Variants in SLC4A5 observed in about 807,000 individuals in gnomAD.
The protein encoded by SLC4A5 is solute carrier family 4 member 5.
Under a neutral mutation model 120.4 loss-of-function variants are expected in SLC4A5, and 96 were observed. That is an observed-to-expected ratio of 0.80 (90% CI 0.68 to 0.94). SLC4A5 has a LOEUF of 0.94. SLC4A5 is among the 40% of genes least tolerant of loss of function. SLC4A5 has a pLI of 0.00. For synonymous variants in SLC4A5, 550 were observed against 571.1 expected (o/e 0.96, Z 0.53); for missense variants, 1,259 against 1,459.5 (o/e 0.86, Z 2.24).
chr2:74,285,182 C>T (rs1421436391), intron 8 of SLC4A5, among the ~76,000 whole-genome samples: 1 of 152,144 alleles, frequency 6.6e-6, no homozygotes, highest in Non-Finnish European at 1.5e-5. Flanking sequence ...GAGTTTGAGC[C>T]TGCGTGCAGT....
intron 17 of SLC4A5, 120 bp from the exon 18 acceptor site, chr2:74,248,606 C>A: frequency 8.7e-7 from 1 of 1,155,580 alleles, no homozygotes; most frequent in African/African-American, 1.6e-5. Flanking sequence ...TCGTTCTGGG[C>A]CCTTTCCTCC....
chr2:74,228,057 A>T (rs571093383), intron 25 of SLC4A5, among the ~76,000 whole-genome samples, 179 bp from the exon 26 acceptor site: 23 of 152,330 alleles, frequency 1.5e-4, no homozygotes, highest in African/African-American at 5.3e-4. Flanking sequence ...CTGGGGCTGT[A>T]CTGCCCCTTC....
chr2:74,253,117 G>A (rs747379006), exon 15 of SLC4A5: 45 of 1,613,964 alleles, frequency 2.8e-5, no homozygotes, highest in Middle Eastern at 1.6e-4. Context: ...TGTAGGCCAC[G>A]TCACTGAAGA....
At chr2:74,303,146 A>C (rs1672528254) in intron 7 of SLC4A5, among the ~76,000 whole-genome samples, 1 of 151,224 alleles carries the variant, frequency 6.6e-6, no homozygotes, top group Non-Finnish European at 1.5e-5. Flanking sequence ...GTTGTATTTT[A>C]ACTATAGCCC....
At position 74,250,523 on chromosome 2, in the gene SLC4A5, C is replaced by G. The variant is rs1369105062; in HGVS notation, c.1479-6G>C. On this transcript the variant is annotated splice_region_variant and splice_polypyrimidine_tract_variant and intron_variant, in intron 16 of 30. Transcript: ENST00000394019. ...GACACAGGCCACCGAAGAACCTGCT[C>G]AAGACAGGCCCAGGGGCTGCTTTCT... The G allele has an allele frequency of 6.2e-7, 1 of 1,614,122 alleles. No homozygotes were observed. Among genetic ancestry groups the G allele is most frequent in the Non-Finnish European group, 8.5e-7 (1 of 1,180,000 alleles).
rs28394585 is a variant in SLC4A5, at chr2:74,240,509, T to C, written c.2119-974A>G. On this transcript the variant is annotated intron_variant, in intron 20 of 30. Coordinates refer to ENST00000394019, the Ensembl canonical transcript of SLC4A5. ...AGTGCACATGGCCCCTTGCATATAA[T>C]AGGGATTCAGAAATAGGCACTGACT... Among the ~76,000 whole-genome samples, 780 of 152,304 alleles carry C rather than the reference T, an allele frequency of 5.1e-3. 44 individuals carry two copies. Among genetic ancestry groups the C allele is most frequent in the Admixed American group, 0.046 (708 of 15,290 alleles).
intron 5 of SLC4A5, among the ~76,000 whole-genome samples, chr2:74,319,014 T>C (rs1293168377): frequency 6.6e-6 from 1 of 152,112 alleles, no homozygotes; most frequent in Non-Finnish European, 1.5e-5. Context: ...TATATATATA[T>C]AATGGAATGC....
intron 6 of SLC4A5, among the ~76,000 whole-genome samples, chr2:74,310,388 G>A (rs1416269647): frequency 6.6e-6 from 1 of 152,140 alleles, no homozygotes; most frequent in Non-Finnish European, 1.5e-5. Context: ...GATCTTAGCA[G>A]GAAAGTTTTC....
chr2:74,234,977 A>T, intron 22 of SLC4A5, 124 bp downstream of exon 22: 1 of 735,662 alleles, frequency 1.4e-6, no homozygotes, highest in South Asian at 1.9e-5. Context: ...GAAAGGTGGC[A>T]CACAGAGAAC....
chr2:74,300,225 T>A (rs1004922177), intron 7 of SLC4A5, among the ~76,000 whole-genome samples: 2 of 152,146 alleles, frequency 1.3e-5, no homozygotes, highest in African/African-American at 4.8e-5. Context: ...GATGGGGAGA[T>A]GTTGGTCAAA....
At chr2:74,256,073 T>C in intron 12 of SLC4A5, 141 bp from the exon 13 acceptor site, 1 of 885,344 alleles carries the variant, frequency 1.1e-6, no homozygotes, top group Middle Eastern at 2.5e-4. Context: ...AAATAAGTAC[T>C]CCTCCGATTC....
intron 8 of SLC4A5, among the ~76,000 whole-genome samples, chr2:74,268,751 G>A (rs1357931873): frequency 6.6e-6 from 1 of 152,184 alleles, no homozygotes; most frequent in Non-Finnish European, 1.5e-5. Flanking sequence ...CCAGACTTTG[G>A]TATTTTCATT....
rs538466672 is a variant in SLC4A5 at position 74,318,609 on chromosome 2, C to T, written c.-2-3584G>A. ...GCTGAGGCACAAGAATCACTTGAAC[C>T]CAGAAGGCAGAGGTTGCAGACCGAG... On this transcript the variant is annotated intron_variant, in intron 5 of 30. Transcript: ENST00000394019. 2.0e-5 allele frequency among the ~76,000 whole-genome samples: 3 copies of T among 151,910 alleles called. No homozygotes were observed. In the East Asian group the frequency reaches 5.8e-4, roughly 29 times the overall value.
intron 12 of SLC4A5, among the ~76,000 whole-genome samples, chr2:74,258,508 A>G (rs1671038251): frequency 6.6e-6 from 1 of 152,338 alleles, no homozygotes; most frequent in Middle Eastern, 3.4e-3. Flanking sequence ...TGCATGAGTA[A>G]AAGTGGTTTT....
chr2:74,254,890 G>A (rs1670912952), intron 13 of SLC4A5, among the ~76,000 whole-genome samples, 184 bp from the exon 14 acceptor site: 1 of 151,678 alleles, frequency 6.6e-6, no homozygotes. Flanking sequence ...CGCAATCTTG[G>A]CTCACTGCAA....
intron 7 of SLC4A5, among the ~76,000 whole-genome samples, chr2:74,291,527 G>A (rs1033815624): frequency 2.0e-5 from 3 of 152,226 alleles, no homozygotes; most frequent in African/African-American, 7.2e-5. Flanking sequence ...GGTTAGCAGA[G>A]CCTGGGGGAG....
At chr2:74,303,107 T>C (rs958235173) in intron 7 of SLC4A5, among the ~76,000 whole-genome samples, 11 of 151,056 alleles carry the variant, frequency 7.3e-5, no homozygotes, top group Admixed American at 2.0e-4. Context: ...GTGCATGTGG[T>C]GTGTGTGTGC....
chr2:74,229,406 T>C (rs1404777175), intron 25 of SLC4A5, among the ~76,000 whole-genome samples: 15 of 152,010 alleles, frequency 9.9e-5, no homozygotes, highest in South Asian at 2.1e-4. Context: ...TGTGCCACCA[T>C]ACCTGGCTAT....
intron 7 of SLC4A5, among the ~76,000 whole-genome samples, chr2:74,287,925 T>C (rs1471083680): frequency 1.2e-4 from 19 of 152,086 alleles, no homozygotes; most frequent in Admixed American, 1.2e-3. Context: ...TCTTCTTTCT[T>C]TTACCCATAC....
Sources: allele counts gnomAD v4.1 joint callset (sites outside exome capture counted in the v4.1 genomes callset), GRCh38; gene constraint gnomAD v4.1.1; transcripts MANE v1.5; gene names NCBI Gene and HGNC (gene_info 2026-07-23, HGNC 2026-07-21).